Variants in BTBD9 observed in about 807,000 individuals in gnomAD.
BTBD9 encodes BTB domain containing 9.
A neutral mutation model predicts 64.3 loss-of-function variants in BTBD9; 49 were observed. The observed-to-expected ratio is 0.76, with a 90% CI of 0.61 to 0.97. The LOEUF (loss-of-function observed/expected upper bound fraction) is 0.97, where lower values mean the gene tolerates loss of function less well. BTBD9 is among the 50% of genes least tolerant of loss of function. The pLI is 0.00. For synonymous variants in BTBD9, 260 were observed against 274.7 expected, an observed-to-expected ratio of 0.95 and a Z score of 0.53; for missense variants, 598 against 762.1, an observed-to-expected ratio of 0.78 and a Z score of 2.53.
intron 6 of BTBD9, among the ~76,000 whole-genome samples, chr6:38,467,877 T>C (rs1433107842): frequency 1.3e-5 from 2 of 152,228 alleles, no homozygotes; most frequent in Non-Finnish European, 2.9e-5. Flanking sequence ...ATCTGAACTT[T>C]CTTTCATCTT....
intron 7 of BTBD9, among the ~76,000 whole-genome samples, chr6:38,325,795 T>C (rs776239218): frequency 3.3e-5 from 5 of 152,356 alleles, no homozygotes; most frequent in Admixed American, 1.3e-4. Context: ...ATTTATTACA[T>C]AGTAAATCAG....
intron 6 of BTBD9, among the ~76,000 whole-genome samples, chr6:38,462,573 A>C (rs947620373): frequency 1.6e-4 from 25 of 152,118 alleles, no homozygotes; most frequent in African/African-American, 5.6e-4. Flanking sequence ...GTAAACGTTA[A>C]GTCACTAGTT....
chr6:38,534,993 C>A (rs563295880), intron 6 of BTBD9, among the ~76,000 whole-genome samples: 20 of 152,068 alleles, frequency 1.3e-4, no homozygotes, highest in Admixed American at 2.6e-4. Context: ...CACTGTTATT[C>A]AGTGTAGTAG....
At chr6:38,394,041 CCCATCTAT>C (rs1299627702) in intron 6 of BTBD9, among the ~76,000 whole-genome samples, 8 of 152,128 alleles carry the variant, frequency 5.3e-5, no homozygotes, top group Non-Finnish European at 8.8e-5. Context: ...CATCCACTCA[CCCATCTAT>C]ACCTTCCTTC....
At chr6:38,537,284 T>C (rs1341572630) in intron 6 of BTBD9, among the ~76,000 whole-genome samples, 4 of 152,214 alleles carry the variant, frequency 2.6e-5, no homozygotes, top group Admixed American at 2.6e-4. Context: ...CAGACTACAA[T>C]AGCCATACTC....
intron 8 of BTBD9, among the ~76,000 whole-genome samples, chr6:38,271,633 TA>T (rs1442727647): frequency 1.3e-5 from 2 of 152,044 alleles, no homozygotes; most frequent in African/African-American, 4.8e-5. Context: ...CTGCAAAACC[TA>T]AAATATCTAC....
At chr6:38,358,672 A>ATCCTCTGT (rs1270810116) in intron 6 of BTBD9, among the ~76,000 whole-genome samples, 1 of 152,094 alleles carries the variant, frequency 6.6e-6, no homozygotes, top group African/African-American at 2.4e-5. Flanking sequence ...GGCCAAAGAA[A>ATCCTCTGT]TCCTCTGTTT....
At chr6:38,620,344 C>T (rs1482300694) in intron 1 of BTBD9, among the ~76,000 whole-genome samples, 1 of 152,196 alleles carries the variant, frequency 6.6e-6, no homozygotes, top group East Asian at 1.9e-4. Context: ...AGGATGCCTT[C>T]TTCTGCATTC....
At chr6:38,558,652 T>C (rs1203468318) in intron 6 of BTBD9, among the ~76,000 whole-genome samples, 1 of 152,174 alleles carries the variant, frequency 6.6e-6, no homozygotes, top group African/African-American at 2.4e-5. Flanking sequence ...AAGATGATCG[T>C]ATGTTTTAAA....
At chr6:38,548,388 G>C (rs1278042235) in intron 6 of BTBD9, among the ~76,000 whole-genome samples, 13 of 152,120 alleles carry the variant, frequency 8.5e-5, no homozygotes, top group Admixed American at 8.5e-4. Flanking sequence ...ACTGAAAATT[G>C]AAATCATCAG....
At chr6:38,202,136 G>A (rs1762488229) in intron 9 of BTBD9, among the ~76,000 whole-genome samples, 1 of 143,192 alleles carries the variant, frequency 7.0e-6, no homozygotes, top group East Asian at 2.4e-4. Context: ...CCAGGCTGGA[G>A]TGCAGTGACA....
At chr6:38,556,865 A>G (rs1488162993) in intron 6 of BTBD9, among the ~76,000 whole-genome samples, 1 of 150,592 alleles carries the variant, frequency 6.6e-6, no homozygotes, top group Non-Finnish European at 1.5e-5. Context: ...AAAAATACAA[A>G]AATTAGCCAG....
At chr6:38,585,820 A>G (rs1439051913) in intron 4 of BTBD9, among the ~76,000 whole-genome samples, 1 of 152,126 alleles carries the variant, frequency 6.6e-6, no homozygotes, top group African/African-American at 2.4e-5. Flanking sequence ...TACATTGTTC[A>G]AAAAGCTCAA....
At chr6:38,532,327 C>G (rs1488760467) in intron 6 of BTBD9, among the ~76,000 whole-genome samples, 1 of 152,120 alleles carries the variant, frequency 6.6e-6, no homozygotes, top group African/African-American at 2.4e-5. Flanking sequence ...GGCTAAAGTT[C>G]TCTGGGATCC....
At position 38,184,552 on chromosome 6, in the gene BTBD9, T is replaced by C. The variant is rs919153034; in HGVS notation, c.1641+7967A>G. On this transcript the variant is annotated intron_variant, in intron 10 of 10. Coordinates refer to ENST00000481247, the MANE Select transcript of BTBD9 (RefSeq NM_001099272.2). This position sits in a 1 kb window ranked among gnomAD's most constrained non-coding sequence, Gnocchi z 4.4. ...GAGAGGGCTGCCTCTCCATTTGCTCTCTCTGTGCTCTGCCACAGAGCACAG... is the reference window on the plus strand; with the variant it reads ...GAGAGGGCTGCCTCTCCATTTGCTCCCTCTGTGCTCTGCCACAGAGCACAG... 6.6e-6 allele frequency among the ~76,000 whole-genome samples: 1 copy of C among 152,218 alleles called. No homozygotes were observed. The highest frequency in any genetic ancestry group is 6.5e-5 in the Admixed American group (1 of 15,308).
At chr6:38,628,779 G>A (rs935189090) in intron 1 of BTBD9, among the ~76,000 whole-genome samples, 5 of 152,074 alleles carry the variant, frequency 3.3e-5, no homozygotes, top group African/African-American at 1.2e-4. Context: ...TGCTAAGAGG[G>A]CCTAGAAGCA....
At chr6:38,621,565 G>C (rs1380942768) in intron 1 of BTBD9, among the ~76,000 whole-genome samples, 1 of 152,218 alleles carries the variant, frequency 6.6e-6, no homozygotes. Flanking sequence ...AGAACTAGTG[G>C]TGCTTACCCA....
At chr6:38,577,060 A>C (rs908386878) in intron 6 of BTBD9, among the ~76,000 whole-genome samples, 3 of 152,138 alleles carry the variant, frequency 2.0e-5, no homozygotes, top group African/African-American at 4.8e-5. Context: ...GCTAAGCCTC[A>C]TTTGCCCCAA....
intron 6 of BTBD9, among the ~76,000 whole-genome samples, chr6:38,540,549 A>AT (rs905215198): frequency 1.3e-5 from 2 of 152,230 alleles, no homozygotes; most frequent in Non-Finnish European, 2.9e-5. Flanking sequence ...GCCTCTGGGC[A>AT]CTTACATGGT....
Sources: gnomAD v4.1 joint callset for allele counts (sites outside exome capture counted in the v4.1 genomes callset) on GRCh38, gnomAD v4.1.1 for gene constraint, Gnocchi (gnomAD v3.1) non-coding constraint, MANE v1.5 for transcripts, NCBI Gene and HGNC (gene_info 2026-07-23, HGNC 2026-07-21) for gene names.